SENP2: variants seen among roughly 807,000 people sequenced by gnomAD.
SENP2 encodes sentrin-specific protease 2.
SENP2 carries 16 observed loss-of-function variants against 86.3 expected under a neutral mutation model. The ratio of observed to expected loss-of-function variants is 0.19; its 90% CI spans 0.13 to 0.28. The LOEUF (loss-of-function observed/expected upper bound fraction) is 0.28, where lower values mean the gene tolerates loss of function less well. Among genes scored for constraint, SENP2 ranks in the 10% least tolerant of loss-of-function variants. The pLI, the probability that SENP2 is intolerant of heterozygous loss-of-function variation, is 1.00. For synonymous variants in SENP2, 222 were observed against 238.7 expected, an observed-to-expected ratio of 0.93 and a Z score of 0.64; for missense variants, 552 against 703.0, an observed-to-expected ratio of 0.79 and a Z score of 2.43.
intron 4 of SENP2, among the ~76,000 whole-genome samples, chr3:185,599,289 AG>A (rs1722269775): frequency 6.6e-6 from 1 of 152,238 alleles, no homozygotes; most frequent in South Asian, 2.1e-4. Flanking sequence ...AAAACAAAAA[AG>A]CAAAAACATT....
At position 185,624,674 on chromosome 3, in the gene SENP2, GA is replaced by G. The variant is rs550877633; in HGVS notation, c.1611+593del. 2.6e-5 allele frequency among the ~76,000 whole-genome samples: 4 copies of G among 152,076 alleles called. No individual in the cohort carries two copies. In the East Asian group the frequency reaches 7.7e-4, roughly 29 times the overall value. On this transcript the variant is annotated intron_variant, in intron 15 of 16. Coordinates refer to ENST00000296257, the MANE Select transcript of SENP2 (RefSeq NM_021627.3). ...GCAGATCACCTGAGGTCAGGAATTT[GA>G]GACCAGCCTGGCCAACATGACAAAA... is the stretch of plus-strand genomic sequence containing the variant.
chr3:185,622,718 T>C (rs1711945773), intron 14 of SENP2, among the ~76,000 whole-genome samples: 2 of 152,096 alleles, frequency 1.3e-5, no homozygotes, highest in Admixed American at 6.6e-5. Context: ...TATACATATA[T>C]TATCCCATGT....
Position 185,606,388 on chromosome 3 carries a change from G to A in SENP2, c.508G>A (p.Gly170Ser). ...RRPGGRRHSK[G>S]NPESSLMWKP... ...ACCAGGTGGCCGTCGCCATAGCAAA[G>A]GTAATCCAGAGAGTTCTTTAATGTG... Residue 170 changes from glycine to serine, a missense_variant, in exon 6 of 17, where the codon GGT becomes AGT. Around this residue, in one of 2 missense-constraint regions of SENP2, gnomAD observed 383 missense variants for 427.3 expected, o/e 0.90. Transcript: ENST00000296257. 4 of 1,613,704 alleles carry A rather than the reference G, an allele frequency of 2.5e-6. No individual in the cohort carries two copies. The highest frequency in any genetic ancestry group is 4.5e-5 in the East Asian group (2 of 44,858).
At chr3:185,598,908 T>A (rs772167012) in intron 3 of SENP2, 50 bp from the exon 4 acceptor site, 1 of 1,405,152 alleles carries the variant, frequency 7.1e-7, no homozygotes, top group Admixed American at 1.8e-5. Context: ...AGAAAGTTAT[T>A]TAGGTGACAA....
chr3:185,629,687 T>G, intron 16 of SENP2, 95 bp from the exon 17 acceptor site: 1 of 1,202,670 alleles, frequency 8.3e-7, no homozygotes, highest in Non-Finnish European at 1.2e-6. Flanking sequence ...AAAAAGCACA[T>G]GGACATCCTG....
chr3:185,591,044 A>G (rs113473966), intron 2 of SENP2, among the ~76,000 whole-genome samples: 12,405 of 146,528 alleles, frequency 0.085, 796 homozygotes, highest in South Asian at 0.34. Flanking sequence ...AGCTGGGATT[A>G]CAGGCACCCA....
chr3:185,599,804 T>C lies in SENP2; in HGVS notation c.358+780T>C, dbSNP rs1047385280. Among the ~76,000 whole-genome samples the C allele has an allele frequency of 2.1e-5, 3 of 146,242 alleles. No individual in the cohort carries two copies. The Admixed American group carries it at 2.1e-4, about 10-fold the overall frequency. ...AGTTCCTAAAAACTTGATATTTCTT[T>C]CTTTCTTTTTTTTTTTTTTTTTGAG... On this transcript the variant is annotated intron_variant, in intron 4 of 16. Coordinates refer to ENST00000296257, the MANE Select transcript of SENP2 (RefSeq NM_021627.3).
intron 1 of SENP2, 98 bp from the exon 2 acceptor site, chr3:185,590,016 A>T: frequency 1.7e-6 from 1 of 602,016 alleles, no homozygotes; most frequent in Non-Finnish European, 2.7e-6. Flanking sequence ...TGACAAAGTG[A>T]TAGAAGGGGG....
Position 185,586,907 on chromosome 3 carries a change from AG to A in SENP2, c.101+394del, listed in dbSNP as rs1016756735. 1.3e-5 allele frequency among the ~76,000 whole-genome samples: 2 copies of A among 152,154 alleles called. No homozygotes were observed. The highest frequency in any genetic ancestry group is 4.8e-5 in the African/African-American group (2 of 41,434). ...GAAGTGAGATTCATAGCTTGCCCAA[AG>A]CCGTTTTGACTGCAAGTACTGTCCT... On this transcript the variant is annotated intron_variant, in intron 1 of 16. Transcript: ENST00000296257. This position sits in a 1 kb window ranked among gnomAD's most constrained non-coding sequence, Gnocchi z 4.3.
intron 7 of SENP2, 91 bp downstream of exon 7, chr3:185,609,441 G>T: frequency 1.1e-6 from 1 of 889,684 alleles, no homozygotes; most frequent in Non-Finnish European, 1.8e-6. Context: ...TTTACTGAAA[G>T]AAGAGGTTAA....
rs201270901 is a variant in SENP2, at chr3:185,600,799, A to G, written c.393A>G (p.Pro131=). Residue 131 remains proline, a synonymous_variant, in exon 5 of 17, where the codon CCA becomes CCG. Transcript: ENST00000296257. ...NKSPNGISDY[P]KIRVTVTRDQ... ...CTCCTAATGGAATAAGTGACTATCC[A>G]AAGATCAGAGTGACAGTTACCCGAG... is the stretch of plus-strand genomic sequence containing the variant. 5 of 1,611,620 alleles carry G rather than the reference A, an allele frequency of 3.1e-6. No homozygotes were observed. In the Admixed American group the frequency reaches 5.0e-5, roughly 16 times the overall value.
chr3:185,599,867 T>C (rs1376605037), intron 4 of SENP2, among the ~76,000 whole-genome samples: 6 of 149,718 alleles, frequency 4.0e-5, no homozygotes, highest in Non-Finnish European at 4.4e-5. Flanking sequence ...TGGAGTGCAA[T>C]AGGGCGATCT....
At chr3:185,617,021 G>A (rs751858346) in intron 11 of SENP2, among the ~76,000 whole-genome samples, 1 of 152,154 alleles carries the variant, frequency 6.6e-6, no homozygotes, top group Non-Finnish European at 1.5e-5. Flanking sequence ...TTGACTCATA[G>A]TGGTTAATAC....
intron 1 of SENP2, among the ~76,000 whole-genome samples, chr3:185,589,786 A>T (rs966605885): frequency 2.6e-4 from 39 of 152,092 alleles, no homozygotes; most frequent in African/African-American, 9.4e-4. Context: ...CTCCTGCCTT[A>T]GTGTAGCTGG....
chr3:185,623,368 G>C (rs1170791517), intron 14 of SENP2, among the ~76,000 whole-genome samples: 1 of 149,604 alleles, frequency 6.7e-6, no homozygotes, highest in Non-Finnish European at 1.5e-5. Flanking sequence ...GCAAACTCCC[G>C]ACCTCAGGTG....
intron 5 of SENP2, among the ~76,000 whole-genome samples, chr3:185,603,069 C>T (rs1339310669): frequency 2.6e-5 from 4 of 151,516 alleles, no homozygotes; most frequent in African/African-American, 9.7e-5. Flanking sequence ...CATGCCACCA[C>T]GCCCAGCTAA....
intron 16 of SENP2, among the ~76,000 whole-genome samples, chr3:185,628,695 G>A (rs990228906): frequency 1.3e-5 from 2 of 151,310 alleles, no homozygotes; most frequent in East Asian, 2.0e-4. Context: ...TAGTAGAGAC[G>A]GGGTTTCTCC....
intron 15 of SENP2, among the ~76,000 whole-genome samples, 154 bp from the exon 16 acceptor site, chr3:185,626,144 T>C (rs952853915): frequency 6.6e-6 from 1 of 152,208 alleles, no homozygotes; most frequent in Non-Finnish European, 1.5e-5. Context: ...TAAGAATAAT[T>C]GTGTTTTTTG....
intron 1 of SENP2, among the ~76,000 whole-genome samples, chr3:185,588,885 C>G (rs1472158191): frequency 1.3e-5 from 2 of 152,248 alleles, no homozygotes; most frequent in African/African-American, 4.8e-5. Flanking sequence ...ATGTGAATCC[C>G]TGCTAGTCAG....
Sources: gnomAD v4.1 joint callset for allele counts (sites outside exome capture counted in the v4.1 genomes callset) on GRCh38, gnomAD v4.1.1 for gene constraint, gnomAD v4.1.1 regional missense constraint, Gnocchi (gnomAD v3.1) non-coding constraint, MANE v1.5 for transcripts, NCBI Gene and HGNC (gene_info 2026-07-23, HGNC 2026-07-21) for gene names.